Variants in SUGCT observed in about 807,000 individuals in gnomAD.
SUGCT encodes the protein succinyl-CoA:glutarate-CoA transferase, also known as succinyl-CoA:glutarate CoA-transferase.
Under a neutral mutation model 55.0 loss-of-function variants are expected in SUGCT, and 41 were observed. The observed-to-expected ratio is 0.74, with a 90% CI of 0.58 to 0.97. SUGCT has a LOEUF of 0.97. Ranked by LOEUF, SUGCT falls within the 50% of genes least tolerant of loss-of-function variation. SUGCT has a pLI of 0.00. For missense variants in SUGCT, 568 were observed against 547.8 expected, an observed-to-expected ratio of 1.04 and a Z score of -0.37; for synonymous variants, 187 against 200.4, an observed-to-expected ratio of 0.93 and a Z score of 0.56.
chr7:40,492,276 AT>A (rs1014276402), intron 11 of SUGCT, among the ~76,000 whole-genome samples: 8 of 151,342 alleles, frequency 5.3e-5, no homozygotes. Context: ...CTAGAAAACA[AT>A]TTTTTTTTCA....
chr7:40,479,822 A>G (rs1379707325), intron 11 of SUGCT, among the ~76,000 whole-genome samples: 1 of 152,140 alleles, frequency 6.6e-6, no homozygotes, highest in Non-Finnish European at 1.5e-5. Flanking sequence ...GTCTTCTTTT[A>G]TGAAATGCCT....
the SUGCT span, among the ~76,000 whole-genome samples, chr7:40,875,139 A>G: frequency 1.3e-5 from 2 of 152,178 alleles, no homozygotes; most frequent in Non-Finnish European, 2.9e-5. Flanking sequence ...TAGATTGGAA[A>G]TTTCTTAAGG....
chr7:40,354,673 A>G (rs1467238597), intron 9 of SUGCT, among the ~76,000 whole-genome samples: 1 of 152,240 alleles, frequency 6.6e-6, no homozygotes, highest in Non-Finnish European at 1.5e-5. Context: ...AGGAGATCAG[A>G]GTGGAATGCA....
At chr7:40,218,924 T>C (rs1562586194) in intron 6 of SUGCT, among the ~76,000 whole-genome samples, 1 of 152,178 alleles carries the variant, frequency 6.6e-6, no homozygotes, top group Non-Finnish European at 1.5e-5. Flanking sequence ...CCCGAGCCAG[T>C]GGCGGAAATC....
intron 12 of SUGCT, among the ~76,000 whole-genome samples, chr7:40,616,051 A>G (rs763698950): frequency 1.3e-5 from 2 of 152,212 alleles, no homozygotes; most frequent in Non-Finnish European, 2.9e-5. Context: ...TCACTACCTA[A>G]TGTGAAAAAT....
chr7:40,238,477 C>T (rs1297185609), intron 7 of SUGCT, among the ~76,000 whole-genome samples: 1 of 152,008 alleles, frequency 6.6e-6, no homozygotes, highest in East Asian at 1.9e-4. Flanking sequence ...AAAACACACC[C>T]ATTTCAAAAC....
intron 12 of SUGCT, among the ~76,000 whole-genome samples, chr7:40,501,409 C>T (rs1007425089): frequency 1.3e-5 from 2 of 151,964 alleles, no homozygotes; most frequent in East Asian, 1.9e-4. Flanking sequence ...AGAAAATTAT[C>T]GTATTGCAAA....
At position 40,316,615 on chromosome 7, in the gene SUGCT, T is replaced by C. The variant is rs184898879; in HGVS notation, c.721-145T>C. 1,117 of 540,710 alleles carry C rather than the reference T, an allele frequency of 2.1e-3. 2 individuals are homozygous for C. The highest frequency in any genetic ancestry group is 0.011 in the Middle Eastern group (23 of 2,088). 33.5% of individuals were successfully genotyped at this position (540,710 alleles called of 1,614,324 possible). A position where few individuals can be genotyped will look rare whatever the true frequency, so the allele number is the denominator to read the frequency against. On this transcript the variant is annotated intron_variant, in intron 8 of 13. Transcript: ENST00000335693. ...CTTCATTTGTGTGATAAAAGTACAA[T>C]GCCTGTATATTTTCTAACTTGATGG...
intron 7 of SUGCT, among the ~76,000 whole-genome samples, chr7:40,258,955 A>G (rs1045145178): frequency 1.3e-5 from 2 of 152,238 alleles, no homozygotes; most frequent in East Asian, 3.8e-4. Context: ...CATGGTATAT[A>G]TACGTAATGG....
intron 1 of SUGCT, among the ~76,000 whole-genome samples, chr7:40,164,992 G>C (rs1410802956): frequency 6.6e-6 from 1 of 152,132 alleles, no homozygotes; most frequent in African/African-American, 2.4e-5. Flanking sequence ...AGGTTGTTAG[G>C]AACAGAGCTT....
chr7:40,644,071 C>T (rs1800386545), intron 12 of SUGCT, among the ~76,000 whole-genome samples: 2 of 152,080 alleles, frequency 1.3e-5, no homozygotes, highest in African/African-American at 4.8e-5. Context: ...ATTCTCTGGT[C>T]CAGGTTTACT....
At chr7:40,968,859 G>T in the SUGCT span, among the ~76,000 whole-genome samples, 8 of 152,238 alleles carry the variant, frequency 5.3e-5, no homozygotes, top group East Asian at 1.6e-3. Context: ...ATGGCACCCA[G>T]ACCCCACAGA....
At chr7:41,036,590 G>T in the SUGCT span, among the ~76,000 whole-genome samples, 11 of 152,106 alleles carry the variant, frequency 7.2e-5, no homozygotes, top group African/African-American at 2.4e-4. Context: ...TTCATCCCTT[G>T]ATTCCTGCCA....
intron 9 of SUGCT, among the ~76,000 whole-genome samples, chr7:40,407,596 T>C (rs1314489220): frequency 6.6e-6 from 1 of 152,028 alleles, no homozygotes; most frequent in African/African-American, 2.4e-5. Context: ...CAGTGTTAAG[T>C]ATTGAAGAAT....
chr7:40,486,682 C>T (rs1396353702), intron 11 of SUGCT, among the ~76,000 whole-genome samples: 2 of 149,504 alleles, frequency 1.3e-5, no homozygotes, highest in South Asian at 4.2e-4. Context: ...TTTATATTCA[C>T]GTCAAGAAAT....
chr7:41,006,447 C>T, the SUGCT span, among the ~76,000 whole-genome samples: 94 of 151,938 alleles, frequency 6.2e-4, 3 homozygotes, highest in South Asian at 0.019. Flanking sequence ...ATACCTTGCC[C>T]TTTTTTTTAT....
chr7:40,921,629 G>A, the SUGCT span, among the ~76,000 whole-genome samples: 2 of 152,242 alleles, frequency 1.3e-5, no homozygotes, highest in East Asian at 1.9e-4. Flanking sequence ...AGCCCAGTAA[G>A]CAAGAACAGC....
chr7:40,898,480 C>CGGGGGA, the SUGCT span, among the ~76,000 whole-genome samples: 1 of 5,722 alleles, frequency 1.7e-4, no homozygotes. Context: ...TCCGGGAGGT[C>CGGGGGA]GGGGGGGGGG....
intron 12 of SUGCT, chr7:40,499,400 C>A: frequency 5.0e-6 from 1 of 199,048 alleles, no homozygotes; most frequent in South Asian, 7.4e-5. Context: ...CTATTTCTAG[C>A]CTAACAATTT....
Sources: allele counts gnomAD v4.1 joint callset (sites outside exome capture counted in the v4.1 genomes callset), GRCh38; gene constraint gnomAD v4.1.1; transcripts MANE v1.5; gene names NCBI Gene and HGNC (gene_info 2026-07-23, HGNC 2026-07-21).